The following SYNDIG1 variants were observed in gnomAD, a reference collection of about 807,000 sequenced individuals.
SYNDIG1 encodes the protein synapse differentiation-inducing gene protein 1.
SYNDIG1 carries 9 observed loss-of-function variants against 19.4 expected under a neutral mutation model. The ratio of observed to expected loss-of-function variants is 0.46; its 90% CI spans 0.28 to 0.81. The LOEUF (loss-of-function observed/expected upper bound fraction) is 0.81. Among genes scored for constraint, SYNDIG1 ranks in the 30% least tolerant of loss-of-function variants. The pLI is 0.12. For missense variants in SYNDIG1, 311 were observed against 343.3 expected (o/e 0.91, Z 0.74); for synonymous variants, 141 against 145.9 (o/e 0.97, Z 0.24).
At chr20:24,657,147 C>A (rs532152640) in intron 3 of SYNDIG1, among the ~76,000 whole-genome samples, 1 of 152,198 alleles carries the variant, frequency 6.6e-6, no homozygotes, top group Non-Finnish European at 1.5e-5. Flanking sequence ...AATCTCTTTT[C>A]TTTATAAAGT....
At chr20:24,650,910 A>G (rs2059465750) in intron 3 of SYNDIG1, among the ~76,000 whole-genome samples, 1 of 151,924 alleles carries the variant, frequency 6.6e-6, no homozygotes, top group African/African-American at 2.4e-5. Flanking sequence ...ATCTCGGCTC[A>G]CTGCAACCCC....
intron 1 of SYNDIG1, among the ~76,000 whole-genome samples, chr20:24,516,868 A>T (rs962186231): frequency 2.6e-4 from 39 of 152,304 alleles, no homozygotes; most frequent in African/African-American, 7.7e-4. Context: ...TTATTGCAGC[A>T]CTAGTCACAA....
rs889241624 is a variant in SYNDIG1 at position 24,487,699 on chromosome 20, T to C, written c.-79+17946T>C. 2.6e-5 allele frequency among the ~76,000 whole-genome samples: 4 copies of C among 152,208 alleles called. 1 individual carries two copies. Among genetic ancestry groups the C allele is most frequent in the Non-Finnish European group, 5.9e-5 (4 of 68,046 alleles). The stretch of plus-strand genomic sequence containing the variant: ...CTAATATTCCTTCCTTCTGGAATAT[T>C]TGGCCCCATGTGATGTGTTTGTAAC... On this transcript the variant is annotated intron_variant, in intron 1 of 3. Transcript: ENST00000376862.
chr20:24,634,066 A>G (rs1249997371), intron 3 of SYNDIG1, among the ~76,000 whole-genome samples: 2 of 152,212 alleles, frequency 1.3e-5, no homozygotes, highest in African/African-American at 4.8e-5. Context: ...GAGGAAGAGA[A>G]TGGAGAAAGA....
intron 1 of SYNDIG1, among the ~76,000 whole-genome samples, chr20:24,494,313 A>G (rs1278565414): frequency 6.6e-6 from 1 of 152,154 alleles, no homozygotes; most frequent in African/African-American, 2.4e-5. Context: ...GCAGGGAGGA[A>G]TGCTGAGAAG....
intron 1 of SYNDIG1, among the ~76,000 whole-genome samples, chr20:24,494,387 G>T (rs933744586): frequency 2.0e-4 from 30 of 152,178 alleles, no homozygotes; most frequent in African/African-American, 7.0e-4. Context: ...GGGAGTGGAT[G>T]GCTCAGGAGG....
chr20:24,504,103 G>A (rs952095379), intron 1 of SYNDIG1, among the ~76,000 whole-genome samples: 7 of 152,078 alleles, frequency 4.6e-5, no homozygotes, highest in African/African-American at 1.4e-4. Flanking sequence ...GGGACTACAG[G>A]CACCTGCCAC....
intron 3 of SYNDIG1, among the ~76,000 whole-genome samples, chr20:24,623,665 G>A (rs1435814943): frequency 3.3e-5 from 5 of 152,262 alleles, no homozygotes; most frequent in East Asian, 3.9e-4. Flanking sequence ...TGAGGTACCC[G>A]CACGACACAT....
intron 3 of SYNDIG1, among the ~76,000 whole-genome samples, chr20:24,596,028 GTTC>G: frequency 6.6e-6 from 1 of 152,178 alleles, no homozygotes; most frequent in East Asian, 1.9e-4. Context: ...TGTTTCTCTA[GTTC>G]TTCTACGTGT....
At chr20:24,486,119 C>T (rs771691941) in intron 1 of SYNDIG1, among the ~76,000 whole-genome samples, 1 of 152,180 alleles carries the variant, frequency 6.6e-6, no homozygotes, top group East Asian at 1.9e-4. Flanking sequence ...CAGTGACAGG[C>T]GTGCCAAGGC....
At chr20:24,486,572 A>G (rs2055963701) in intron 1 of SYNDIG1, among the ~76,000 whole-genome samples, 1 of 152,232 alleles carries the variant, frequency 6.6e-6, no homozygotes, top group African/African-American at 2.4e-5. Context: ...ATTTGCAGGC[A>G]TGCGAGCTCT....
chr20:24,527,771 C>T (rs1432760817), intron 1 of SYNDIG1, among the ~76,000 whole-genome samples: 1 of 152,160 alleles, frequency 6.6e-6, no homozygotes, highest in African/African-American at 2.4e-5. Flanking sequence ...GGATCAGCTG[C>T]AGCAGCGTCA....
At chr20:24,640,194 G>A (rs1021573518) in intron 3 of SYNDIG1, among the ~76,000 whole-genome samples, 49 of 151,900 alleles carry the variant, frequency 3.2e-4, no homozygotes, top group African/African-American at 1.1e-3. Context: ...AATAGCTGGG[G>A]GTCATGGGGA....
chr20:24,611,289 C>A (rs770101145), intron 3 of SYNDIG1, among the ~76,000 whole-genome samples: 1 of 152,184 alleles, frequency 6.6e-6, no homozygotes, highest in Admixed American at 6.5e-5. Flanking sequence ...AACCGTTAGA[C>A]TATTCTTCCA....
Position 24,665,530 on chromosome 20 carries a change from C to A in SYNDIG1, c.*26C>A, listed in dbSNP as rs781752352. ...GCTTCCTGCGAATGGAGGGGGAGCACCCGGGGCCAGGTCTGTGTGGACGTG... is the reference window on the plus strand; with the variant it reads ...GCTTCCTGCGAATGGAGGGGGAGCAACCGGGGCCAGGTCTGTGTGGACGTG... On this transcript the variant is annotated 3_prime_UTR_variant, in exon 4 of 4. Transcript: ENST00000376862. The A allele has an allele frequency of 6.2e-7, 1 of 1,613,748 alleles. No individual in the cohort carries two copies. The highest frequency in any genetic ancestry group is 1.7e-5 in the Admixed American group (1 of 59,956).
At chr20:24,579,177 C>T (rs979025593) in intron 2 of SYNDIG1, among the ~76,000 whole-genome samples, 20 of 152,212 alleles carry the variant, frequency 1.3e-4, no homozygotes, top group Admixed American at 7.9e-4. Context: ...TGGCCTGGCC[C>T]GGGTGCTCCG....
intron 2 of SYNDIG1, among the ~76,000 whole-genome samples, chr20:24,567,697 G>A (rs6106910): frequency 1.3e-4 from 20 of 152,336 alleles, no homozygotes; most frequent in African/African-American, 4.1e-4. Flanking sequence ...CCACCTGGTG[G>A]CATCTGCCTA....
intron 1 of SYNDIG1, among the ~76,000 whole-genome samples, chr20:24,507,042 A>G (rs995652946): frequency 1.3e-5 from 2 of 152,214 alleles, no homozygotes; most frequent in African/African-American, 4.8e-5. Flanking sequence ...TTGCATGGGA[A>G]GTGATGCCAG....
intron 2 of SYNDIG1, among the ~76,000 whole-genome samples, chr20:24,545,411 G>A (rs2057556323): frequency 6.6e-6 from 1 of 152,112 alleles, no homozygotes; most frequent in African/African-American, 2.4e-5. Flanking sequence ...AAGATCTGAG[G>A]GCTTTGCTGA....
Sources: gnomAD v4.1 joint callset for allele counts (sites outside exome capture counted in the v4.1 genomes callset) on GRCh38, gnomAD v4.1.1 for gene constraint, MANE v1.5 for transcripts, NCBI Gene and HGNC (gene_info 2026-07-23, HGNC 2026-07-21) for gene names.